The following CACNA2D3 variants were observed in gnomAD, a reference collection of about 807,000 sequenced individuals.
The protein encoded by CACNA2D3 is calcium voltage-gated channel auxiliary subunit alpha2delta 3.
Under a neutral mutation model 160.6 loss-of-function variants are expected in CACNA2D3, and 60 were observed. The ratio of observed to expected loss-of-function variants is 0.37; its 90% CI spans 0.30 to 0.46. The LOEUF is 0.46. Ranked by LOEUF, CACNA2D3 falls within the 20% of genes least tolerant of loss-of-function variation. The pLI, the probability that CACNA2D3 is intolerant of heterozygous loss-of-function variation, is 1.00. For missense variants in CACNA2D3, 1,205 were observed against 1,365.0 expected, an observed-to-expected ratio of 0.88 and a Z score of 1.85; for synonymous variants, 558 against 492.9, an observed-to-expected ratio of 1.13 and a Z score of -1.75.
intron 35 of CACNA2D3, among the ~76,000 whole-genome samples, chr3:55,057,483 T>C (rs1035319672): frequency 1.3e-5 from 2 of 152,158 alleles, no homozygotes; most frequent in Non-Finnish European, 2.9e-5. Flanking sequence ...AAGAAGATAA[T>C]GGCAATAGCT....
chr3:54,666,893 C>G (rs998302525), intron 11 of CACNA2D3, among the ~76,000 whole-genome samples: 2 of 152,176 alleles, frequency 1.3e-5, no homozygotes, highest in Non-Finnish European at 2.9e-5. Flanking sequence ...TGGCTCGTCA[C>G]CTGGGGCAGC....
intron 2 of CACNA2D3, among the ~76,000 whole-genome samples, chr3:54,249,097 T>A (rs1159720855): frequency 6.6e-6 from 1 of 152,154 alleles, no homozygotes; most frequent in Non-Finnish European, 1.5e-5. Context: ...ATAAACAGCA[T>A]GGAGAGACTT....
chr3:54,790,018 C>T (rs1575476571), intron 13 of CACNA2D3: 1 of 364,504 alleles, frequency 2.7e-6, no homozygotes, highest in East Asian at 7.5e-5. Flanking sequence ...AATGATTTCA[C>T]TTTCCTTCCT....
At chr3:54,268,357 C>G (rs927022495) in intron 2 of CACNA2D3, among the ~76,000 whole-genome samples, 2 of 152,154 alleles carry the variant, frequency 1.3e-5, no homozygotes, top group African/African-American at 4.8e-5. Flanking sequence ...TGGACCCAAT[C>G]TCATTGTGCC....
chr3:54,941,530 G>C (rs188352424), intron 27 of CACNA2D3, among the ~76,000 whole-genome samples: 2 of 152,110 alleles, frequency 1.3e-5, no homozygotes, highest in South Asian at 4.2e-4. Flanking sequence ...GGATTATGTG[G>C]GTGAGCAGTA....
At chr3:54,947,999 G>A (rs1056289447) in intron 27 of CACNA2D3, among the ~76,000 whole-genome samples, 1 of 152,178 alleles carries the variant, frequency 6.6e-6, no homozygotes, top group Non-Finnish European at 1.5e-5. Context: ...AACCACAGAT[G>A]GGGGAGATTC....
chr3:54,402,378 C>T (rs1699484296), intron 4 of CACNA2D3, among the ~76,000 whole-genome samples: 2 of 151,990 alleles, frequency 1.3e-5, no homozygotes, highest in Non-Finnish European at 2.9e-5. Flanking sequence ...CTATATGCTA[C>T]CCACAAGAAA....
At chr3:54,306,463 T>A (rs973631201) in intron 2 of CACNA2D3, among the ~76,000 whole-genome samples, 1 of 152,256 alleles carries the variant, frequency 6.6e-6, no homozygotes, top group Non-Finnish European at 1.5e-5. Context: ...TCTATTTCCA[T>A]GACTACCAAC....
intron 17 of CACNA2D3, among the ~76,000 whole-genome samples, chr3:54,856,209 A>G (rs1008837585): frequency 7.9e-5 from 12 of 152,004 alleles, no homozygotes; most frequent in Non-Finnish European, 7.4e-5. Context: ...CGAGCACACA[A>G]TGAAACAATA....
intron 31 of CACNA2D3, among the ~76,000 whole-genome samples, chr3:54,997,097 A>G (rs1483099429): frequency 6.6e-6 from 1 of 152,098 alleles, no homozygotes; most frequent in Non-Finnish European, 1.5e-5. Context: ...GGTGTAGCAA[A>G]CCACCATGGC....
chr3:54,345,283 GT>G (rs1305950336), intron 3 of CACNA2D3, among the ~76,000 whole-genome samples: 4 of 152,298 alleles, frequency 2.6e-5, no homozygotes, highest in African/African-American at 9.6e-5. Flanking sequence ...CCCCTTTCCT[GT>G]AACACAACCT....
chr3:54,609,198 G>GA (rs1698697073), intron 9 of CACNA2D3, among the ~76,000 whole-genome samples: 1 of 152,202 alleles, frequency 6.6e-6, no homozygotes, highest in Admixed American at 6.5e-5. Flanking sequence ...CATGCACAGT[G>GA]AAAAGGTCAC....
intron 5 of CACNA2D3, among the ~76,000 whole-genome samples, chr3:54,560,882 T>C (rs564493989): frequency 1.2e-4 from 19 of 152,188 alleles, no homozygotes; most frequent in Non-Finnish European, 2.2e-4. Flanking sequence ...GATAAGATAG[T>C]TGTAGGCATG....
At chr3:54,271,655 G>A (rs945255719) in intron 2 of CACNA2D3, among the ~76,000 whole-genome samples, 1 of 152,092 alleles carries the variant, frequency 6.6e-6, no homozygotes, top group African/African-American at 2.4e-5. Context: ...TTGAGCCCTT[G>A]TTCTACCAAG....
At chr3:54,462,700 G>A (rs542085248) in intron 4 of CACNA2D3, among the ~76,000 whole-genome samples, 1 of 152,294 alleles carries the variant, frequency 6.6e-6, no homozygotes, top group African/African-American at 2.4e-5. Context: ...CCTGAATACA[G>A]CACACTGATG....
At chr3:54,609,865 G>A (rs373663160) in intron 9 of CACNA2D3, among the ~76,000 whole-genome samples, 7 of 152,192 alleles carry the variant, frequency 4.6e-5, no homozygotes, top group Admixed American at 1.3e-4. Flanking sequence ...TTTCTTGGAC[G>A]GCCATAACAA....
At chr3:54,712,800 A>G (rs1010089714) in intron 11 of CACNA2D3, among the ~76,000 whole-genome samples, 4 of 152,292 alleles carry the variant, frequency 2.6e-5, no homozygotes, top group Admixed American at 6.5e-5. Flanking sequence ...GGCTTAGTCT[A>G]TCTTGCACGG....
intron 26 of CACNA2D3, 30 bp from the exon 27 acceptor site, chr3:54,899,758 T>G: frequency 6.7e-7 from 1 of 1,492,564 alleles, no homozygotes; most frequent in Non-Finnish European, 9.3e-7. Flanking sequence ...ATTATCTTCA[T>G]TTTTGTTGTG....
chr3:54,968,771 T>A (rs1182555948), intron 28 of CACNA2D3, among the ~76,000 whole-genome samples: 2 of 151,796 alleles, frequency 1.3e-5, no homozygotes, highest in African/African-American at 4.8e-5. Flanking sequence ...TCCAAAGGAG[T>A]TTTTCTTTTA....
Sources: allele counts gnomAD v4.1 joint callset (sites outside exome capture counted in the v4.1 genomes callset), GRCh38; gene constraint gnomAD v4.1.1; transcripts MANE v1.5; gene names NCBI Gene and HGNC (gene_info 2026-07-23, HGNC 2026-07-21).